The following SMG6 variants were observed in gnomAD, a reference collection of about 807,000 sequenced individuals.
The protein encoded by SMG6 is telomerase-binding protein EST1A.
Under a neutral mutation model 142.2 loss-of-function variants are expected in SMG6, and 66 were observed. That is an observed-to-expected ratio of 0.46 (90% confidence interval 0.38 to 0.57). The LOEUF (loss-of-function observed/expected upper bound fraction) is 0.57. Ranked by LOEUF, SMG6 falls within the 20% of genes least tolerant of loss-of-function variation. The pLI, the probability that SMG6 is intolerant of heterozygous loss-of-function variation, is 0.00. For synonymous variants in SMG6, 779 were observed against 702.4 expected, an observed-to-expected ratio of 1.11 and a Z score of -1.72; for missense variants, 1,793 against 1,832.0, an observed-to-expected ratio of 0.98 and a Z score of 0.39.
In SMG6 at chr17:2,120,461, C is replaced by A. The variant is rs561858744; in HGVS notation, c.3358-34560G>T. Among the ~76,000 whole-genome samples, 3 of 152,324 alleles carry A rather than the reference C, an allele frequency of 2.0e-5. No homozygotes were observed. The East Asian group carries it at 5.8e-4, about 29-fold the overall frequency. ...ATACAACTTCAGCTGGGCATGGGGG[C>A]TCACGCCTAGCACTTTGGACGAGTG... is the stretch of plus-strand genomic sequence containing the variant. On this transcript the variant is annotated intron_variant, in intron 13 of 18. Coordinates refer to ENST00000263073, the MANE Select transcript of SMG6 (RefSeq NM_017575.5).
At chr17:2,100,870 T>C (rs2068988167) in intron 13 of SMG6, among the ~76,000 whole-genome samples, 1 of 152,044 alleles carries the variant, frequency 6.6e-6, no homozygotes, top group Admixed American at 6.6e-5. Flanking sequence ...CAGGCTGGTC[T>C]TGAACTCCTA....
chr17:2,079,045 C>T (rs1277751428), intron 15 of SMG6, among the ~76,000 whole-genome samples: 8 of 152,112 alleles, frequency 5.3e-5, no homozygotes, highest in African/African-American at 1.9e-4. Context: ...CTCACTGTAA[C>T]CTCCGCCTCC....
chr17:2,197,131 T>C (rs940559760), intron 10 of SMG6, among the ~76,000 whole-genome samples: 1 of 152,154 alleles, frequency 6.6e-6, no homozygotes, highest in African/African-American at 2.4e-5. Flanking sequence ...AAAACTGATA[T>C]ACTGGATTTC....
At chr17:2,082,954 C>T (rs571885479) in intron 14 of SMG6, among the ~76,000 whole-genome samples, 1 of 152,352 alleles carries the variant, frequency 6.6e-6, no homozygotes, top group Admixed American at 6.5e-5. Flanking sequence ...TTAATCCTCA[C>T]AACAGCCTGT....
At chr17:2,293,198 A>G (rs2075077110) in intron 4 of SMG6, among the ~76,000 whole-genome samples, 1 of 152,184 alleles carries the variant, frequency 6.6e-6, no homozygotes, top group Non-Finnish European at 1.5e-5. Flanking sequence ...CAGCAGTGTG[A>G]TACAAAATTT....
At chr17:2,282,486 A>G (rs1285125873) in intron 8 of SMG6, among the ~76,000 whole-genome samples, 161 bp downstream of exon 8, 5 of 152,100 alleles carry the variant, frequency 3.3e-5, no homozygotes, top group East Asian at 1.9e-4. Context: ...TAATAAAGAT[A>G]AAGGAAGCGT....
At chr17:2,174,531 AAG>A (rs2071600869) in intron 12 of SMG6, among the ~76,000 whole-genome samples, 1 of 152,256 alleles carries the variant, frequency 6.6e-6, no homozygotes, top group African/African-American at 2.4e-5. Context: ...TCTTGTTTTC[AAG>A]AGTGTCCTGG....
chr17:2,257,211 G>A (rs936766074), intron 8 of SMG6, among the ~76,000 whole-genome samples: 7 of 151,604 alleles, frequency 4.6e-5, no homozygotes, highest in African/African-American at 1.7e-4. Context: ...TCAGCCTCCC[G>A]AGTAGCTGGG....
Position 2,300,341 on chromosome 17 carries a change from T to C in SMG6, c.412A>G (p.Thr138Ala). 1 of 1,613,918 alleles carries C rather than the reference T, an allele frequency of 6.2e-7. No homozygotes were observed. The highest frequency in any genetic ancestry group is 8.5e-7 in the Non-Finnish European group (1 of 1,180,042). ...EDRSLKIIKR[T>A]KKPDLQIYQP... ...TAGATCTGCAGGTCGGGTTTCTTTGTTCTTTTGATAATTTTTAGACTACGA... is the reference window on the plus strand; with the variant it reads ...TAGATCTGCAGGTCGGGTTTCTTTGCTCTTTTGATAATTTTTAGACTACGA... Residue 138 changes from threonine to alanine, a missense_variant, in exon 2 of 19, where the codon ACA (threonine) becomes GCA (alanine). Physicochemically the swap from Thr to Ala is moderately conservative, Grantham distance 58. Around this residue, in one of 3 missense-constraint regions of SMG6, gnomAD observed 1,597 missense variants for 1,584.6 expected, o/e 1.01. Transcript: ENST00000263073.
In SMG6 at chr17:2,061,121, C is replaced by CTTATA; in HGVS notation, c.*370_*371insTATAA. On this transcript the variant is annotated 3_prime_UTR_variant, in exon 19 of 19. Transcript: ENST00000263073. ...GAAACTCAGAACCCCTGCCCTGTCTCCACTGGAGAAAGTGGCTGCGTCCCC... is the reference window on the plus strand; with the variant it reads ...GAAACTCAGAACCCCTGCCCTGTCTCTTATACACTGGAGAAAGTGGCTGCGTCCCC... 1 of 210,066 alleles carries CTTATA rather than the reference C, an allele frequency of 4.8e-6. No individual in the cohort carries two copies. Among genetic ancestry groups the CTTATA allele is most frequent in the Non-Finnish European group, 9.9e-6 (1 of 100,884 alleles). 13.0% of individuals were successfully genotyped at this position (210,066 alleles called of 1,614,324 possible).
intron 8 of SMG6, among the ~76,000 whole-genome samples, chr17:2,253,360 G>A (rs1298621379): frequency 1.3e-5 from 2 of 151,928 alleles, no homozygotes; most frequent in Non-Finnish European, 2.9e-5. Flanking sequence ...GACCAGGATG[G>A]TCTCGATCTC....
intron 10 of SMG6, among the ~76,000 whole-genome samples, chr17:2,209,428 G>A (rs1231784975): frequency 2.0e-5 from 3 of 152,112 alleles, no homozygotes; most frequent in South Asian, 2.1e-4. Context: ...GCAGTAGCAC[G>A]ATCTCGGCTC....
intron 13 of SMG6, among the ~76,000 whole-genome samples, chr17:2,113,213 A>T (rs1019251220): frequency 6.6e-6 from 1 of 151,860 alleles, no homozygotes; most frequent in African/African-American, 2.4e-5. Context: ...AACAGCTAGC[A>T]TTGCAGGCGT....
intron 13 of SMG6, among the ~76,000 whole-genome samples, chr17:2,119,386 G>A (rs943698819): frequency 1.3e-5 from 2 of 151,808 alleles, no homozygotes; most frequent in African/African-American, 4.8e-5. Flanking sequence ...TAGAGACAGG[G>A]TTTTACCATA....
chr17:2,208,097 C>T (rs1006953740), intron 10 of SMG6, among the ~76,000 whole-genome samples: 2 of 151,952 alleles, frequency 1.3e-5, no homozygotes, highest in Non-Finnish European at 1.5e-5. Flanking sequence ...CCACCGCACT[C>T]CAGCCTGGGC....
At chr17:2,226,073 C>T (rs1427322947) in intron 10 of SMG6, among the ~76,000 whole-genome samples, 1 of 151,942 alleles carries the variant, frequency 6.6e-6, no homozygotes, top group Non-Finnish European at 1.5e-5. Flanking sequence ...GTCGGGAGTT[C>T]AAGACCAGCC....
chr17:2,100,627 G>A (rs2068980097), intron 13 of SMG6, among the ~76,000 whole-genome samples: 1 of 152,236 alleles, frequency 6.6e-6, no homozygotes. Flanking sequence ...CTAGGCTGGA[G>A]TGCTGTGGTG....
chr17:2,097,742 G>A (rs1166917810), intron 13 of SMG6, among the ~76,000 whole-genome samples: 1 of 152,138 alleles, frequency 6.6e-6, no homozygotes, highest in African/African-American at 2.4e-5. Flanking sequence ...AGGCTAAACA[G>A]TCCCACTTCC....
At chr17:2,091,173 G>A (rs537935214) in intron 13 of SMG6, among the ~76,000 whole-genome samples, 13 of 152,330 alleles carry the variant, frequency 8.5e-5, no homozygotes, top group South Asian at 4.1e-4. Context: ...GCCAGCCTAC[G>A]AAGGGGTCTG....
Sources: allele counts gnomAD v4.1 joint callset (sites outside exome capture counted in the v4.1 genomes callset), GRCh38; gene constraint gnomAD v4.1.1; regional missense constraint gnomAD v4.1.1; transcripts MANE v1.5; gene names NCBI Gene and HGNC (gene_info 2026-07-23, HGNC 2026-07-21).